TMEM132C: variants seen among roughly 807,000 people sequenced by gnomAD.
TMEM132C encodes transmembrane protein 132C.
A neutral mutation model predicts 61.4 loss-of-function variants in TMEM132C; 29 were observed. The observed-to-expected ratio is 0.47, with a 90% CI of 0.35 to 0.64. TMEM132C has a LOEUF of 0.64. Among genes scored for constraint, TMEM132C ranks in the 30% least tolerant of loss-of-function variants. TMEM132C has a pLI of 0.00. For synonymous variants in TMEM132C, 656 were observed against 633.1 expected, an observed-to-expected ratio of 1.04 and a Z score of -0.54; for missense variants, 1,408 against 1,476.9, an observed-to-expected ratio of 0.95 and a Z score of 0.76.
intron 4 of TMEM132C, among the ~76,000 whole-genome samples, chr12:128,622,343 C>CAAAAAAAAAAA (rs71069584): frequency 1.1e-3 from 17 of 16,098 alleles, no homozygotes; most frequent in African/African-American, 3.2e-3. Context: ...GACTTTGTCT[C>CAAAAAAAAAAA]AAAAAAAAAA....
chr12:128,693,756 G>T, intron 5 of TMEM132C, 73 bp from the exon 6 acceptor site: 1 of 1,510,198 alleles, frequency 6.6e-7, no homozygotes, highest in Non-Finnish European at 9.0e-7. Context: ...AAGATAATAG[G>T]AAAAACAAAA....
chr12:128,311,121 C>T (rs553702421), intron 1 of TMEM132C, among the ~76,000 whole-genome samples: 8 of 152,228 alleles, frequency 5.3e-5, no homozygotes, highest in Admixed American at 2.6e-4. Flanking sequence ...TAATAATAAG[C>T]GTGTGGCTTG....
intron 1 of TMEM132C, chr12:128,404,366 C>G (rs1253930910): frequency 2.6e-5 from 4 of 152,226 alleles, no homozygotes; most frequent in Admixed American, 2.6e-4. Flanking sequence ...TCCTCACATG[C>G]TGGGATTCTG....
intron 4 of TMEM132C, among the ~76,000 whole-genome samples, chr12:128,619,854 G>C (rs1213876698): frequency 6.6e-6 from 1 of 152,190 alleles, no homozygotes. Context: ...CCAAGTTGAG[G>C]CCACATGAGC....
At chr12:128,328,683 A>G (rs1370811429) in intron 1 of TMEM132C, among the ~76,000 whole-genome samples, 1 of 148,116 alleles carries the variant, frequency 6.8e-6, no homozygotes, top group Non-Finnish European at 1.5e-5. Context: ...GCTACTCAGG[A>G]GGCTGAGGTA....
intron 1 of TMEM132C, among the ~76,000 whole-genome samples, chr12:128,330,887 C>A (rs1383824440): frequency 6.7e-6 from 1 of 148,586 alleles, no homozygotes; most frequent in African/African-American, 2.6e-5. Context: ...ATGAAAAGAC[C>A]TTTAAATGTA....
intron 2 of TMEM132C, among the ~76,000 whole-genome samples, chr12:128,537,798 CTAAA>C (rs1873588279): frequency 6.6e-6 from 1 of 152,144 alleles, no homozygotes; most frequent in Non-Finnish European, 1.5e-5. Flanking sequence ...CGTGTAAAAT[CTAAA>C]TAAGGTATGT....
intron 2 of TMEM132C, among the ~76,000 whole-genome samples, chr12:128,480,707 C>T (rs535017474): frequency 7.9e-5 from 12 of 152,026 alleles, no homozygotes; most frequent in African/African-American, 2.6e-4. Context: ...TTTATCACCC[C>T]AATCAGGAGT....
chr12:128,691,475 A>G (rs1272306599), intron 5 of TMEM132C, among the ~76,000 whole-genome samples: 2 of 152,144 alleles, frequency 1.3e-5, no homozygotes, highest in African/African-American at 4.8e-5. Flanking sequence ...TCATCTGTCT[A>G]TCCATCTGTC....
chr12:128,575,510 G>A (rs532636432), intron 3 of TMEM132C, among the ~76,000 whole-genome samples: 1 of 152,062 alleles, frequency 6.6e-6, no homozygotes, highest in East Asian at 1.9e-4. Flanking sequence ...AAAAGGACAT[G>A]TGTCAAATAT....
At chr12:128,315,814 G>A (rs979787644) in intron 1 of TMEM132C, among the ~76,000 whole-genome samples, 1 of 151,840 alleles carries the variant, frequency 6.6e-6, no homozygotes, top group African/African-American at 2.4e-5. Flanking sequence ...GGAGGAGAAG[G>A]CCACGCAGTG....
chr12:128,324,923 C>T (rs1036601345), intron 1 of TMEM132C, among the ~76,000 whole-genome samples: 1 of 152,188 alleles, frequency 6.6e-6, no homozygotes, highest in African/African-American at 2.4e-5. Flanking sequence ...CATTCAATTA[C>T]ATTAATGAAT....
At chr12:128,371,433 A>G (rs1044157795) in intron 1 of TMEM132C, among the ~76,000 whole-genome samples, 1 of 152,238 alleles carries the variant, frequency 6.6e-6, no homozygotes, top group Non-Finnish European at 1.5e-5. Flanking sequence ...CAGACCAATC[A>G]GAGCCAACAG....
intron 1 of TMEM132C, among the ~76,000 whole-genome samples, chr12:128,312,441 G>T (rs1049247661): frequency 6.6e-6 from 1 of 152,066 alleles, no homozygotes; most frequent in East Asian, 1.9e-4. Flanking sequence ...GTGTAGCTGG[G>T]TCTACAACCG....
At chr12:128,596,098 C>G (rs1270051832) in intron 3 of TMEM132C, among the ~76,000 whole-genome samples, 8 of 145,384 alleles carry the variant, frequency 5.5e-5, no homozygotes, top group African/African-American at 1.5e-4. Flanking sequence ...AGCAGGGCTT[C>G]ACTGATCCCG....
At chr12:128,325,107 T>G (rs989503827) in intron 1 of TMEM132C, among the ~76,000 whole-genome samples, 1 of 152,214 alleles carries the variant, frequency 6.6e-6, no homozygotes, top group Non-Finnish European at 1.5e-5. Flanking sequence ...GGGCAGCGGC[T>G]GCCCACACAC....
chr12:128,530,995 G>A (rs1365804430), intron 2 of TMEM132C, among the ~76,000 whole-genome samples: 1 of 152,208 alleles, frequency 6.6e-6, no homozygotes, highest in East Asian at 1.9e-4. Context: ...GTTGGTTCAT[G>A]CTGATCAGCC....
At chr12:128,470,787 C>T (rs542818319) in intron 2 of TMEM132C, among the ~76,000 whole-genome samples, 2 of 152,312 alleles carry the variant, frequency 1.3e-5, no homozygotes, top group South Asian at 4.1e-4. Context: ...TCCATCTTTG[C>T]AAGCCAGGTG....
intron 1 of TMEM132C, among the ~76,000 whole-genome samples, chr12:128,413,984 T>C (rs1024576581): frequency 6.6e-6 from 1 of 152,228 alleles, no homozygotes; most frequent in African/African-American, 2.4e-5. Context: ...TGTAACTTCT[T>C]TGATTTATAT....
Sources: gnomAD v4.1 joint callset for allele counts (sites outside exome capture counted in the v4.1 genomes callset) on GRCh38, gnomAD v4.1.1 for gene constraint, MANE v1.5 for transcripts, NCBI Gene and HGNC (gene_info 2026-07-23, HGNC 2026-07-21) for gene names.